The following ARIH1 variants were observed in gnomAD, a reference collection of about 807,000 sequenced individuals.
ARIH1 encodes the protein E3 ubiquitin-protein ligase ARIH1.
A neutral mutation model predicts 85.0 loss-of-function variants in ARIH1; 8 were observed. That is an observed-to-expected ratio of 0.09 (90% CI 0.06 to 0.17). The LOEUF (loss-of-function observed/expected upper bound fraction) is 0.17. Among genes scored for constraint, ARIH1 ranks in the 10% least tolerant of loss-of-function variants. The pLI, the probability that ARIH1 is intolerant of heterozygous loss-of-function variation, is 1.00. For missense variants in ARIH1, 311 were observed against 718.1 expected (o/e 0.43, Z 6.48); for synonymous variants, 238 against 253.6 (o/e 0.94, Z 0.59).
chr15:72,542,322 A>G (rs1463864516), intron 2 of ARIH1, among the ~76,000 whole-genome samples: 4 of 152,210 alleles, frequency 2.6e-5, no homozygotes, highest in Admixed American at 2.6e-4. Flanking sequence ...GTTGAAAGAC[A>G]AGAAAGAAAT....
intron 1 of ARIH1, among the ~76,000 whole-genome samples, chr15:72,512,231 G>A (rs747586810): frequency 2.6e-5 from 4 of 151,132 alleles, no homozygotes; most frequent in Non-Finnish European, 4.4e-5. Context: ...TTTCTTCCTT[G>A]AATGATTAGT....
At chr15:72,524,645 A>T (rs1166265489) in intron 2 of ARIH1, among the ~76,000 whole-genome samples, 1 of 152,244 alleles carries the variant, frequency 6.6e-6, no homozygotes, top group Admixed American at 6.5e-5. Context: ...CTCCTTCCCC[A>T]AAAAGTACTG....
At chr15:72,579,379 G>GC (rs2064286485) in intron 11 of ARIH1, among the ~76,000 whole-genome samples, 1 of 152,084 alleles carries the variant, frequency 6.6e-6, no homozygotes, top group East Asian at 1.9e-4. Flanking sequence ...TGGTTGGGGG[G>GC]GGAGCCCAGA....
chr15:72,524,845 TAAATA>T (rs2064019948), intron 2 of ARIH1, among the ~76,000 whole-genome samples: 1 of 152,210 alleles, frequency 6.6e-6, no homozygotes, highest in Non-Finnish European at 1.5e-5. Context: ...GTTGAATTTA[TAAATA>T]AAATAATGAT....
intron 2 of ARIH1, among the ~76,000 whole-genome samples, chr15:72,530,367 T>C (rs1324623521): frequency 1.3e-5 from 2 of 152,180 alleles, no homozygotes; most frequent in Non-Finnish European, 2.9e-5. Flanking sequence ...GACTTAGCTG[T>C]GAGTTTTGTT....
chr15:72,543,291 A>G (rs2064115933), intron 2 of ARIH1, among the ~76,000 whole-genome samples: 1 of 150,686 alleles, frequency 6.6e-6, no homozygotes, highest in South Asian at 2.2e-4. Context: ...TGGGCGGCAA[A>G]GGTTGCAGGG....
chr15:72,535,172 C>T (rs1024915862), intron 2 of ARIH1, among the ~76,000 whole-genome samples: 1 of 151,294 alleles, frequency 6.6e-6, no homozygotes, highest in Non-Finnish European at 1.5e-5. Flanking sequence ...AGGATGGTCT[C>T]GAACTCCTGA....
rs16957154 is a variant in ARIH1, at chr15:72,583,077, T to C, written c.1590-131T>C. 5,066 of 637,106 alleles carry C rather than the reference T, an allele frequency of 8.0e-3. 136 individuals are homozygous for C. Among genetic ancestry groups the C allele is most frequent in the Admixed American group, 0.065 (2,277 of 34,852 alleles). The allele number at this position is 637,106 out of a possible 1,614,324, so 39.5% of individuals were successfully genotyped here. A position where few individuals can be genotyped will look rare whatever the true frequency, so the allele number is the denominator to read the frequency against. ...ACATCTAGACCTGAACATGTGCCTA[T>C]TAAAATAAAAAATAGGTGCTTGGTT... is the stretch of plus-strand genomic sequence containing the variant. On this transcript the variant is annotated intron_variant, in intron 13 of 13. Transcript: ENST00000379887.
chr15:72,552,732 C>G (rs1347301116), intron 3 of ARIH1, among the ~76,000 whole-genome samples: 2 of 151,032 alleles, frequency 1.3e-5, no homozygotes, highest in Non-Finnish European at 2.9e-5. Context: ...GCAGTTGCTT[C>G]TGGGTAGAGG....
chr15:72,517,137 TAGC>T (rs1174126204), intron 1 of ARIH1, among the ~76,000 whole-genome samples: 1 of 152,224 alleles, frequency 6.6e-6, no homozygotes, highest in African/African-American at 2.4e-5. Flanking sequence ...TTTCTTGAAA[TAGC>T]AGCCTAAAAG....
rs2064319357 is a variant in ARIH1 at position 72,586,900 on chromosome 15, C to A, written c.*3608C>A. ...TCATTCTTAGCTAACCTCAAAACTC[C>A]TTTACATTACTTTCATTTTAGCTCA... On this transcript the variant is annotated 3_prime_UTR_variant, in exon 14 of 14. Coordinates refer to ENST00000379887, the MANE Select transcript of ARIH1 (RefSeq NM_005744.5). The A allele has an allele frequency of 5.5e-6, 1 of 182,258 alleles. No individual in the cohort carries two copies. Among genetic ancestry groups the A allele is most frequent in the Admixed American group, 6.4e-5 (1 of 15,748 alleles). 11.3% of individuals were successfully genotyped at this position (182,258 alleles called of 1,614,324 possible).
chr15:72,483,665 A>G lies in ARIH1; in HGVS notation c.375+8651A>G, dbSNP rs138906235. 3.9e-5 allele frequency among the ~76,000 whole-genome samples: 6 copies of G among 152,328 alleles called. No homozygotes were observed. The East Asian group carries it at 9.6e-4, about 24-fold the overall frequency. On this transcript the variant is annotated intron_variant, in intron 1 of 13. Coordinates refer to ENST00000379887, the MANE Select transcript of ARIH1 (RefSeq NM_005744.5). The stretch of plus-strand genomic sequence containing the variant: ...GGATTTTTTATTTTGGATTAACCGT[A>G]AATTAATTACTTTTGGCTTTGCAAA...
intron 1 of ARIH1, among the ~76,000 whole-genome samples, chr15:72,501,649 G>A (rs1010444838): frequency 9.2e-5 from 14 of 152,202 alleles, no homozygotes; most frequent in Non-Finnish European, 1.6e-4. Context: ...CAGCAGATAC[G>A]TGGAATGCTG....
At chr15:72,476,062 G>A (rs1176061730) in intron 1 of ARIH1, among the ~76,000 whole-genome samples, 2 of 152,226 alleles carry the variant, frequency 1.3e-5, no homozygotes, top group Non-Finnish European at 2.9e-5. Context: ...TGAGCAGCAA[G>A]TTACTATTGC....
At chr15:72,515,948 C>T (rs1211969015) in intron 1 of ARIH1, among the ~76,000 whole-genome samples, 1 of 152,150 alleles carries the variant, frequency 6.6e-6, no homozygotes, top group East Asian at 1.9e-4. Context: ...TTTGAGTCTC[C>T]TACCTGTCAT....
chr15:72,554,727 G>A (rs1356264675), intron 3 of ARIH1, among the ~76,000 whole-genome samples: 1 of 152,004 alleles, frequency 6.6e-6, no homozygotes, highest in Non-Finnish European at 1.5e-5. Flanking sequence ...TGAGGGTGAA[G>A]TGGTGTCTTA....
chr15:72,563,375 T>C lies in ARIH1; in HGVS notation c.805-19T>C. On this transcript the variant is annotated intron_variant, in intron 6 of 13. Coordinates refer to ENST00000379887, the MANE Select transcript of ARIH1 (RefSeq NM_005744.5). ...TGCCCAGCCAGCTGTCATTTTTTATTTTCTAACTTGTATTTCAGTGCAATC... is the reference window on the plus strand; with the variant it reads ...TGCCCAGCCAGCTGTCATTTTTTATCTTCTAACTTGTATTTCAGTGCAATC... The C allele has an allele frequency of 6.2e-7, 1 of 1,607,068 alleles. No individual in the cohort carries two copies. Among genetic ancestry groups the C allele is most frequent in the Non-Finnish European group, 8.5e-7 (1 of 1,173,628 alleles).
In ARIH1 at chr15:72,563,492, C is replaced by T; in HGVS notation, c.903C>T (p.Arg301=). The T allele has an allele frequency of 6.2e-7, 1 of 1,613,504 alleles. No homozygotes were observed. The highest frequency in any genetic ancestry group is 8.5e-7 in the Non-Finnish European group (1 of 1,179,512). Residue 301 remains arginine (R), a synonymous_variant, in exon 7 of 14, where the codon CGC becomes CGT. Transcript: ENST00000379887. ...DAKPVRCKCG[R]QFCFNCGENW... is the part of the protein sequence containing the mutation. ...AACCTGTTCGCTGCAAATGTGGGCG[C>T]CAATTTTGGTAAGCAAGTGATTTCC...
chr15:72,566,955 A>G (rs755838402), intron 8 of ARIH1, 151 bp from the exon 9 acceptor site: 62 of 619,494 alleles, frequency 1.0e-4, no homozygotes, highest in Middle Eastern at 8.6e-4. Flanking sequence ...CATTGTAGCT[A>G]TGGGATTTCC....
Sources: allele counts gnomAD v4.1 joint callset (sites outside exome capture counted in the v4.1 genomes callset), GRCh38; gene constraint gnomAD v4.1.1; transcripts MANE v1.5; gene names NCBI Gene and HGNC (gene_info 2026-07-23, HGNC 2026-07-21).